ZPBP: variants seen among roughly 807,000 people sequenced by gnomAD.
ZPBP encodes the protein zona pellucida-binding protein 1.
ZPBP carries 26 observed loss-of-function variants against 44.8 expected under a neutral mutation model. The ratio of observed to expected loss-of-function variants is 0.58; its 90% CI spans 0.43 to 0.81. ZPBP has a LOEUF of 0.81. ZPBP is among the 30% of genes least tolerant of loss of function. The pLI is 0.00. For missense variants in ZPBP, 409 were observed against 434.0 expected (o/e 0.94, Z 0.51); for synonymous variants, 174 against 153.2 (o/e 1.14, Z -1.00).
At chr7:49,921,399 CA>C (rs1316634418) in intron 1 of ZPBP, 1 of 152,204 alleles carries the variant, frequency 6.6e-6, no homozygotes, top group East Asian at 1.9e-4. Context: ...TAAGTATTCT[CA>C]ATAAACGTTT....
intron 4 of ZPBP, among the ~76,000 whole-genome samples, chr7:50,048,399 C>T (rs1800496757): frequency 6.6e-6 from 1 of 152,018 alleles, no homozygotes; most frequent in Non-Finnish European, 1.5e-5. Context: ...AGTAAACTGG[C>T]TAACAGCAGC....
intron 2 of ZPBP, among the ~76,000 whole-genome samples, chr7:49,888,422 C>T (rs1303972618): frequency 3.9e-5 from 6 of 152,224 alleles, no homozygotes; most frequent in Admixed American, 3.3e-4. Flanking sequence ...ACTGATTTCA[C>T]TACATTTTAT....
At chr7:49,851,987 T>A (rs1666866011) in intron 2 of ZPBP, among the ~76,000 whole-genome samples, 1 of 152,206 alleles carries the variant, frequency 6.6e-6, no homozygotes, top group African/African-American at 2.4e-5. Flanking sequence ...GAAGATGGCA[T>A]CCTCATCCCC....
intron 2 of ZPBP, among the ~76,000 whole-genome samples, chr7:49,858,316 C>T (rs1180688776): frequency 1.3e-5 from 2 of 151,966 alleles, no homozygotes; most frequent in African/African-American, 2.4e-5. Context: ...AAATGTCCAA[C>T]AATGATAGAC....
downstream of ZPBP, among the ~76,000 whole-genome samples, chr7:49,849,946 T>A (rs536384494): frequency 9.9e-5 from 15 of 152,212 alleles, no homozygotes; most frequent in East Asian, 2.9e-3. Context: ...TACAGCATGG[T>A]GCACAGGAAG....
At chr7:50,043,442 C>A (rs981423084) in intron 4 of ZPBP, among the ~76,000 whole-genome samples, 1 of 152,100 alleles carries the variant, frequency 6.6e-6, no homozygotes, top group African/African-American at 2.4e-5. Flanking sequence ...ATCTCACATG[C>A]AAAGACACAC....
chr7:49,861,688 G>C, intron 2 of ZPBP, among the ~76,000 whole-genome samples: 1 of 152,176 alleles, frequency 6.6e-6, no homozygotes, highest in South Asian at 2.1e-4. Context: ...TGAGGTAGGG[G>C]ACCAACTTCA....
At chr7:49,934,053 T>TAAA (rs11461329), downstream of ZPBP, among the ~76,000 whole-genome samples, 4 of 142,886 alleles carry the variant, frequency 2.8e-5, no homozygotes, top group African/African-American at 5.2e-5. Context: ...AAAGTATAAT[T>TAAA]AAAAAAAAAA....
At chr7:50,032,833 C>A (rs1799662260) in intron 4 of ZPBP, among the ~76,000 whole-genome samples, 1 of 152,304 alleles carries the variant, frequency 6.6e-6, no homozygotes. Context: ...AAATCTCTCG[C>A]AAATCCTAAA....
intron 1 of ZPBP, chr7:49,912,762 CT>C (rs1793525489): frequency 6.6e-6 from 1 of 152,382 alleles, no homozygotes; most frequent in African/African-American, 2.4e-5. Flanking sequence ...TAATATATGG[CT>C]TTTATCTGCT....
chr7:50,023,290 T>C (rs942431700), intron 5 of ZPBP, among the ~76,000 whole-genome samples: 1 of 152,030 alleles, frequency 6.6e-6, no homozygotes, highest in Non-Finnish European at 1.5e-5. Flanking sequence ...AATCACAGAC[T>C]TACAGGATGC....
Position 50,020,741 on chromosome 7 carries a change from G to GA in ZPBP, c.707-2426dup, listed in dbSNP as rs550524076. Among the ~76,000 whole-genome samples, 874 of 152,004 alleles carry GA rather than the reference G, an allele frequency of 5.7e-3. 9 individuals carry two copies. The highest frequency in any genetic ancestry group is 0.02 in the African/African-American group (829 of 41,512). On this transcript the variant is annotated intron_variant, in intron 5 of 7. Coordinates refer to ENST00000046087, the MANE Select transcript of ZPBP (RefSeq NM_007009.3). ...GGCCACCTTTTTCCATAGAAACATG[G>GA]AAAAAAATGAAGAAAAATGGTCAGA...
intron 2 of ZPBP, among the ~76,000 whole-genome samples, chr7:49,853,389 G>A (rs371415561): frequency 1.8e-4 from 27 of 152,208 alleles, no homozygotes; most frequent in African/African-American, 6.3e-4. Flanking sequence ...TTGGCCTCAG[G>A]AGATGCTGGC....
At position 49,898,048 on chromosome 7, in the gene ZPBP, AG is replaced by A. The variant is rs1222887724; in HGVS notation, n.509+3069del. 6.0e-3 allele frequency among the ~76,000 whole-genome samples: 908 copies of A among 152,322 alleles called. 7 individuals carry two copies. The highest frequency in any genetic ancestry group is 0.02 in the African/African-American group (852 of 41,578). On this transcript the variant is annotated intron_variant and non_coding_transcript_variant, in intron 2 of 2. Transcript: ENST00000465922. ...ATCAGAGCCTAACTGATCTGGGTGA[AG>A]AGAAATACTCAACTTTAGCCCACTA...
Position 50,001,298 on chromosome 7 carries a change from G to GTGAGGTTTT in ZPBP, c.783+16941_783+16942insAAAACCTCA, listed in dbSNP as rs1798084848. Among the ~76,000 whole-genome samples the GTGAGGTTTT allele has an allele frequency of 5.9e-5, 9 of 152,314 alleles. No individual in the cohort carries two copies. The South Asian group carries it at 1.9e-3, about 32-fold the overall frequency. On this transcript the variant is annotated intron_variant, in intron 6 of 7. Coordinates refer to ENST00000046087, the MANE Select transcript of ZPBP (RefSeq NM_007009.3). ...GACTTCAAAGAACCTCACCTTATGA[G>GTGAGGTTTT]TTGTACGGTATTTGCTATGACAGGA...
At chr7:49,934,325 G>A (rs1366234660), downstream of ZPBP, among the ~76,000 whole-genome samples, 1 of 152,106 alleles carries the variant, frequency 6.6e-6, no homozygotes, top group African/African-American at 2.4e-5. Context: ...AATTGATATT[G>A]GAGAGATAAG....
intron 1 of ZPBP, chr7:49,921,632 A>G (rs1794022223): frequency 6.6e-6 from 1 of 152,216 alleles, no homozygotes; most frequent in Non-Finnish European, 1.5e-5. Flanking sequence ...ATAGATATTT[A>G]TAAAGCACAA....
chr7:49,983,381 T>C lies in ZPBP; in HGVS notation c.922A>G (p.Met308Val), dbSNP rs1797112976. 1.2e-6 allele frequency: 2 copies of C among 1,613,526 alleles called. No homozygotes were observed. The highest frequency in any genetic ancestry group is 2.2e-5 in the East Asian group (1 of 44,772). The part of the protein sequence containing the change: ...WINRCFPGYG[M>V]NVQQHPKCPE... ...CATTTTGGATGTTGCTGGACATTCA[T>C]TCCATATCCTGGAAAGCAGCGATTA... Residue 308 changes from methionine (M) to valine (V), a missense_variant, in exon 7 of 8, where the codon ATG becomes GTG. Met to Val is a conservative substitution (Grantham distance 21). This residue lies in a region of ZPBP where 42 missense variants were observed against 71.0 expected (regional missense o/e 0.59). Transcript: ENST00000046087.
chr7:49,995,945 T>A (rs1337009170), intron 6 of ZPBP, among the ~76,000 whole-genome samples: 1 of 152,176 alleles, frequency 6.6e-6, no homozygotes, highest in African/African-American at 2.4e-5. Context: ...GAACAAATTC[T>A]AACGTTCCAT....
Sources: allele counts gnomAD v4.1 joint callset (sites outside exome capture counted in the v4.1 genomes callset), GRCh38; gene constraint gnomAD v4.1.1; regional missense constraint gnomAD v4.1.1; transcripts MANE v1.5; gene names NCBI Gene and HGNC (gene_info 2026-07-23, HGNC 2026-07-21).